Variants in MAP3K1 observed in about 807,000 individuals in gnomAD.
The protein encoded by MAP3K1 is MAP/ERK kinase kinase 1.
A neutral mutation model predicts 144.2 loss-of-function variants in MAP3K1; 36 were observed. The observed-to-expected ratio is 0.25, with a 90% CI of 0.19 to 0.33. The LOEUF is 0.33. Among genes scored for constraint, MAP3K1 ranks in the 10% least tolerant of loss-of-function variants. The pLI, the probability that MAP3K1 is intolerant of heterozygous loss-of-function variation, is 1.00. For synonymous variants in MAP3K1, 718 were observed against 688.7 expected, an observed-to-expected ratio of 1.04 and a Z score of -0.67; for missense variants, 1,650 against 1,881.9, an observed-to-expected ratio of 0.88 and a Z score of 2.28.
intron 1 of MAP3K1, among the ~76,000 whole-genome samples, chr5:56,855,580 C>T (rs1377972118): frequency 6.6e-6 from 1 of 152,016 alleles, no homozygotes; most frequent in Non-Finnish European, 1.5e-5. Flanking sequence ...TTTCTTCTTC[C>T]TTTGGCTGAT....
intron 1 of MAP3K1, among the ~76,000 whole-genome samples, chr5:56,844,346 T>C (rs927257978): frequency 6.6e-6 from 1 of 151,144 alleles, no homozygotes; most frequent in Non-Finnish European, 1.5e-5. Flanking sequence ...TGCCCGGCTA[T>C]TTTTTTGTAT....
intron 19 of MAP3K1, among the ~76,000 whole-genome samples, chr5:56,891,155 C>A (rs1227247102): frequency 1.7e-4 from 26 of 148,954 alleles, no homozygotes; most frequent in South Asian, 1.5e-3. Context: ...CACACCCCCC[C>A]CCCCCACACA....
intron 18 of MAP3K1, 48 bp downstream of exon 18, chr5:56,887,568 G>C: frequency 6.2e-7 from 1 of 1,600,448 alleles, no homozygotes; most frequent in Non-Finnish European, 8.6e-7. Context: ...TTGGAATTCT[G>C]TGTAACAGCA....
At chr5:56,888,841 G>A (rs1016786169) in intron 19 of MAP3K1, among the ~76,000 whole-genome samples, 2 of 152,168 alleles carry the variant, frequency 1.3e-5, no homozygotes, top group African/African-American at 4.8e-5. Context: ...CTTAAAAGGG[G>A]TTTATCACGA....
Position 56,875,074 on chromosome 5 carries a change from T to C in MAP3K1, c.1729T>C (p.Trp577Arg), listed in dbSNP as rs1747981054. 1 of 1,614,078 alleles carries C rather than the reference T, an allele frequency of 6.2e-7. No individual in the cohort carries two copies. The highest frequency in any genetic ancestry group is 1.7e-5 in the Admixed American group (1 of 59,994). Residue 577 changes from tryptophan to arginine, a missense_variant, in exon 10 of 20, where the codon TGG becomes CGG. Transcript: ENST00000399503. ...ELVGCLFSRN[W>R]NVREMALRRL... ...CGTTGGCTGCTTATTTTCTAGAAAC[T>C]GGAATGTGAGAGAGATGGCCCTCAG... is the stretch of plus-strand genomic sequence containing the variant.
At chr5:56,874,793 TATTA>T (rs1747970426) in intron 9 of MAP3K1, among the ~76,000 whole-genome samples, 2 of 152,220 alleles carry the variant, frequency 1.3e-5, no homozygotes, top group African/African-American at 2.4e-5. Flanking sequence ...TGGAGCTTAT[TATTA>T]ATTTTACCTG....
chr5:56,874,912 T>C, intron 9 of MAP3K1, 120 bp from the exon 10 acceptor site: 1 of 995,700 alleles, frequency 1.0e-6, no homozygotes, highest in Non-Finnish European at 1.6e-6. Flanking sequence ...TTGTGAAGGA[T>C]GGTAAAGATT....
At chr5:56,893,008 T>C (rs1187992549) in intron 19 of MAP3K1, among the ~76,000 whole-genome samples, 1 of 152,150 alleles carries the variant, frequency 6.6e-6, no homozygotes, top group African/African-American at 2.4e-5. Flanking sequence ...ACAATTTGTT[T>C]ATAAAAAAGT....
At chr5:56,850,247 G>T (rs1158671853) in intron 1 of MAP3K1, among the ~76,000 whole-genome samples, 2 of 152,122 alleles carry the variant, frequency 1.3e-5, no homozygotes, top group African/African-American at 4.8e-5. Flanking sequence ...TGCTAGGAAG[G>T]CTTCACAGGT....
Position 56,820,345 on chromosome 5 carries a change from T to G in MAP3K1, c.482+4290T>G, listed in dbSNP as rs971010269. 7 of 772,662 alleles carry G rather than the reference T, an allele frequency of 9.1e-6. No homozygotes were observed. The South Asian group carries it at 2.9e-4, about 32-fold the overall frequency. The allele number at this position is 772,662 out of a possible 1,614,324, so 47.9% of individuals were successfully genotyped here. On this transcript the variant is annotated intron_variant, in intron 1 of 19. Transcript: ENST00000399503. ...GTCCATTTCTTTCCACTACTCTGCT[T>G]CTTCCATTTTCTTTTTTCAAATTAA...
At chr5:56,853,003 G>A (rs942813287) in intron 1 of MAP3K1, among the ~76,000 whole-genome samples, 1 of 152,106 alleles carries the variant, frequency 6.6e-6, no homozygotes. Context: ...ATACAAGTAT[G>A]TAAAAAAATT....
At position 56,875,187 on chromosome 5, in the gene MAP3K1, G is replaced by A. The variant is rs199923452; in HGVS notation, c.1842G>A (p.Pro614=). 5.3e-5 allele frequency: 86 copies of A among 1,614,164 alleles called. No homozygotes were observed. The African/African-American group carries it at 9.1e-4, about 17-fold the overall frequency. The change falls in exon 10 of 20, where the codon CCG becomes CCA. Residue 614 remains proline, a synonymous_variant. Coordinates refer to ENST00000399503, the MANE Select transcript of MAP3K1 (RefSeq NM_005921.2). ...CTGGGGGCAGCAGTGGAAGCAGCCCGAGTGGGGGAGCCACCAGTGGGTCTT... is the reference window on the plus strand; with the variant it reads ...CTGGGGGCAGCAGTGGAAGCAGCCCAAGTGGGGGAGCCACCAGTGGGTCTT... ...GNSGGSSGSS[P]SGGATSGSSQ... is the part of the protein sequence containing the mutation.
rs750453967 is a variant in MAP3K1, at chr5:56,893,623, G to A, written c.4482G>A (p.Gln1494=). 5 of 1,613,866 alleles carry A rather than the reference G, an allele frequency of 3.1e-6. No homozygotes were observed. The Admixed American group carries it at 5.0e-5, about 16-fold the overall frequency. ...TTCGTTGTTTAGAACTTCAACCTCA[G>A]GACAGACCTCCATCAAGAGAGCTAC... ...VALRCLELQP[Q]DRPPSRELLK... The change falls in exon 20 of 20, where the codon CAG becomes CAA. Residue 1494 remains glutamine, a synonymous_variant. Coordinates refer to ENST00000399503, the MANE Select transcript of MAP3K1 (RefSeq NM_005921.2).
rs1746400170 is a variant in MAP3K1 at position 56,828,935 on chromosome 5, A to G, written c.482+12880A>G. On this transcript the variant is annotated intron_variant, in intron 1 of 19. Transcript: ENST00000399503. ...CTTGGTAACAATCATATTGCTTCCT[A>G]ATTGTGAAAATTTACATTTAATTAT... Among the ~76,000 whole-genome samples, 2 of 152,046 alleles carry G rather than the reference A, an allele frequency of 1.3e-5. 1 individual carries two copies. Among genetic ancestry groups the G allele is most frequent in the South Asian group, 4.2e-4 (2 of 4,818 alleles).
rs78669508 is a variant in MAP3K1, at chr5:56,853,025, G to T, written c.483-3575G>T. Among the ~76,000 whole-genome samples the T allele has an allele frequency of 5.8e-3, 885 of 152,122 alleles. 3 individuals are homozygous for T. Among genetic ancestry groups the T allele is most frequent in the Non-Finnish European group, 8.5e-3 (576 of 67,976 alleles). Reference sequence around the variant, plus strand: ...TATGTAAAAAAATTTTTCACAGTTTGGTTCTGTTTCAGAGAGAAATTAAAC... The same window carrying T: ...TATGTAAAAAAATTTTTCACAGTTTTGTTCTGTTTCAGAGAGAAATTAAAC... On this transcript the variant is annotated intron_variant, in intron 1 of 19. Coordinates refer to ENST00000399503, the MANE Select transcript of MAP3K1 (RefSeq NM_005921.2).
chr5:56,848,723 G>A (rs943258048), intron 1 of MAP3K1, among the ~76,000 whole-genome samples: 2 of 152,160 alleles, frequency 1.3e-5, no homozygotes, highest in Non-Finnish European at 2.9e-5. Context: ...CTCAAATGGA[G>A]TGGTGTTTTG....
At chr5:56,886,918 C>T (rs1191907453) in intron 17 of MAP3K1, among the ~76,000 whole-genome samples, 1 of 152,076 alleles carries the variant, frequency 6.6e-6, no homozygotes, top group East Asian at 1.9e-4. Flanking sequence ...CACCACCATG[C>T]CTGGCTAATT....
At chr5:56,823,534 A>G (rs901132866) in intron 1 of MAP3K1, among the ~76,000 whole-genome samples, 1 of 152,234 alleles carries the variant, frequency 6.6e-6, no homozygotes, top group Non-Finnish European at 1.5e-5. Flanking sequence ...TGCCTGGCAT[A>G]GGGTAGACAC....
chr5:56,857,819 A>G (rs1337321876), intron 2 of MAP3K1, among the ~76,000 whole-genome samples: 2 of 152,182 alleles, frequency 1.3e-5, no homozygotes, highest in Admixed American at 6.5e-5. Flanking sequence ...GGCTTTCGAT[A>G]TCCTCATCAC....
Sources: gnomAD v4.1 joint callset for allele counts (sites outside exome capture counted in the v4.1 genomes callset) on GRCh38, gnomAD v4.1.1 for gene constraint, MANE v1.5 for transcripts, NCBI Gene and HGNC (gene_info 2026-07-23, HGNC 2026-07-21) for gene names.